ANO5: variants seen among roughly 807,000 people sequenced by gnomAD.
ANO5 encodes the protein anoctamin-5.
Under a neutral mutation model 121.0 loss-of-function variants are expected in ANO5, and 109 were observed. The ratio of observed to expected loss-of-function variants is 0.90; its 90% confidence interval spans 0.77 to 1.06. The LOEUF (loss-of-function observed/expected upper bound fraction) is 1.06. Among genes scored for constraint, ANO5 ranks in the 50% least tolerant of loss-of-function variants. The pLI is 0.00. For synonymous variants in ANO5, 406 were observed against 359.9 expected (o/e 1.13, Z -1.45); for missense variants, 1,064 against 1,078.5 (o/e 0.99, Z 0.19).
At chr11:22,259,454 TTAGA>T in intron 14 of ANO5, 61 bp from the exon 15 acceptor site, 2 of 1,431,998 alleles carry the variant, frequency 1.4e-6, no homozygotes, top group South Asian at 2.3e-5. Context: ...AATCAATATG[TTAGA>T]TATATATTCA....
intron 9 of ANO5, among the ~76,000 whole-genome samples, chr11:22,244,023 T>C (rs950724526): frequency 7.5e-6 from 1 of 132,704 alleles, no homozygotes; most frequent in Non-Finnish European, 1.7e-5. Flanking sequence ...TGTTTAAGTG[T>C]GTTTTGTGAT....
chr11:22,238,560 T>C (rs916231900), intron 8 of ANO5, among the ~76,000 whole-genome samples: 1 of 152,084 alleles, frequency 6.6e-6, no homozygotes, highest in Admixed American at 6.6e-5. Context: ...TTATGTGCTT[T>C]ACAGAATCAT....
At chr11:22,217,585 T>C (rs1340649684) in intron 3 of ANO5, among the ~76,000 whole-genome samples, 2 of 150,010 alleles carry the variant, frequency 1.3e-5, no homozygotes, top group African/African-American at 5.0e-5. Context: ...TTTTCCTTTA[T>C]TATTATTATT....
At chr11:22,267,512 A>ATT (rs1854410208) in intron 17 of ANO5, among the ~76,000 whole-genome samples, 1 of 149,008 alleles carries the variant, frequency 6.7e-6, no homozygotes, top group African/African-American at 2.5e-5. Context: ...CTACAATTAT[A>ATT]TATATATATA....
At chr11:22,225,425 C>G (rs1852792098) in intron 5 of ANO5, among the ~76,000 whole-genome samples, 1 of 152,114 alleles carries the variant, frequency 6.6e-6, no homozygotes, top group South Asian at 2.1e-4. Context: ...ACACTGTACT[C>G]CAGCCCGGGT....
chr11:22,255,866 G>A (rs1455021813), intron 13 of ANO5, among the ~76,000 whole-genome samples: 2 of 151,984 alleles, frequency 1.3e-5, no homozygotes, highest in African/African-American at 2.4e-5. Context: ...ACAAATCCAA[G>A]GCATAATAAC....
rs1854681407 is a variant in ANO5, at chr11:22,273,000, C to T, written c.2235+11C>T. On this transcript the variant is annotated intron_variant, in intron 19 of 21. Coordinates refer to ENST00000324559, the MANE Select transcript of ANO5 (RefSeq NM_213599.3). ...TCTGTTGCAACTAATGTAAGTGGAC[C>T]TATTTCGGTGGGGTGACTTTGTATT... 2 of 1,611,852 alleles carry T rather than the reference C, an allele frequency of 1.2e-6. No homozygotes were observed. The highest frequency in any genetic ancestry group is 1.7e-5 in the Admixed American group (1 of 59,980).
At chr11:22,203,582 C>G (rs1272043961) in intron 1 of ANO5, among the ~76,000 whole-genome samples, 1 of 152,062 alleles carries the variant, frequency 6.6e-6, no homozygotes, top group Non-Finnish European at 1.5e-5. Flanking sequence ...TTTTACACAT[C>G]AGTATTTTAT....
chr11:22,224,778 G>A (rs573814353), intron 5 of ANO5, among the ~76,000 whole-genome samples: 5 of 152,108 alleles, frequency 3.3e-5, no homozygotes, highest in African/African-American at 9.6e-5. Flanking sequence ...TGGATGAATA[G>A]ATAAAGAAAA....
At chr11:22,258,618 A>G (rs1200199378) in intron 14 of ANO5, among the ~76,000 whole-genome samples, 1 of 152,224 alleles carries the variant, frequency 6.6e-6, no homozygotes, top group East Asian at 1.9e-4. Context: ...ACTACCACGC[A>G]TATTAGCGCA....
chr11:22,262,973 T>C lies in ANO5; in HGVS notation c.1828T>C (p.Leu610=). The change falls in exon 17 of 22, where the codon TTG becomes CTG. Residue 610 remains leucine, a synonymous_variant. Transcript: ENST00000324559. ...TGATCCTGGAGGCTGTCTTATAGAA[T>C]TGACAACCCAATTGACCATTATAAT... ...ECDPGGCLIE[L]TTQLTIIMTG... The C allele has an allele frequency of 6.2e-7, 1 of 1,613,628 alleles. No individual in the cohort carries two copies.
rs2133822205 is a variant in ANO5, at chr11:22,283,233, C to T, written c.*3468C>T. 6.6e-6 allele frequency: 1 copy of T among 150,882 alleles called. No individual in the cohort carries two copies. Among genetic ancestry groups the T allele is most frequent in the East Asian group, 1.9e-4 (1 of 5,178 alleles). 9.3% of individuals were successfully genotyped at this position (150,882 alleles called of 1,614,324 possible). ...TGCTCCTTTTTAAAATTTCTTTCTTCCAAGTTTTTTTTTCCAGGAAGAGAA... is the reference window on the plus strand; with the variant it reads ...TGCTCCTTTTTAAAATTTCTTTCTTTCAAGTTTTTTTTTCCAGGAAGAGAA... On this transcript the variant is annotated 3_prime_UTR_variant, in exon 22 of 22. Coordinates refer to ENST00000324559, the MANE Select transcript of ANO5 (RefSeq NM_213599.3).
At chr11:22,247,313 C>G (rs1853659582) in intron 9 of ANO5, among the ~76,000 whole-genome samples, 1 of 151,938 alleles carries the variant, frequency 6.6e-6, no homozygotes, top group South Asian at 2.1e-4. Flanking sequence ...AAGAACAATG[C>G]TGAAGTAAAA....
intron 12 of ANO5, among the ~76,000 whole-genome samples, chr11:22,253,544 C>T (rs757729840): frequency 1.3e-5 from 2 of 152,142 alleles, no homozygotes; most frequent in Middle Eastern, 6.8e-3. Flanking sequence ...AACAAACAAG[C>T]AAATATTAAA....
chr11:22,235,642 A>T (rs1043156969), intron 7 of ANO5, among the ~76,000 whole-genome samples: 1 of 152,202 alleles, frequency 6.6e-6, no homozygotes, highest in Non-Finnish European at 1.5e-5. Flanking sequence ...AGCCCAAATC[A>T]TATTCAGGAT....
At chr11:22,199,341 A>G (rs1481189990) in intron 1 of ANO5, among the ~76,000 whole-genome samples, 1 of 152,154 alleles carries the variant, frequency 6.6e-6, no homozygotes, top group Non-Finnish European at 1.5e-5. Context: ...TAGACATACC[A>G]CTTATGACAG....
chr11:22,230,839 T>G (rs1352805559), intron 7 of ANO5, among the ~76,000 whole-genome samples: 1 of 151,982 alleles, frequency 6.6e-6, no homozygotes, highest in Non-Finnish European at 1.5e-5. Context: ...CATCACTAGG[T>G]TCTATCAGTT....
At chr11:22,246,856 C>CAAAAAAAAAAAAAAAAAA (rs10565920) in intron 9 of ANO5, among the ~76,000 whole-genome samples, 2 of 62,208 alleles carry the variant, frequency 3.2e-5, no homozygotes, top group Non-Finnish European at 6.9e-5. Flanking sequence ...GACCCTGTTT[C>CAAAAAAAAAAAAAAAAAA]AAAAAAAAAA....
At chr11:22,266,374 T>C (rs1854366481) in intron 17 of ANO5, among the ~76,000 whole-genome samples, 1 of 152,124 alleles carries the variant, frequency 6.6e-6, no homozygotes, top group Non-Finnish European at 1.5e-5. Context: ...TTTTTCCTCT[T>C]TGTGTTTTGG....
Sources: gnomAD v4.1 joint callset for allele counts (sites outside exome capture counted in the v4.1 genomes callset) on GRCh38, gnomAD v4.1.1 for gene constraint, MANE v1.5 for transcripts, NCBI Gene and HGNC (gene_info 2026-07-23, HGNC 2026-07-21) for gene names.